The following SSBP2 variants were observed in gnomAD, a reference collection of about 807,000 sequenced individuals.
SSBP2 encodes the protein single stranded DNA binding protein 2.
In SSBP2, 17 loss-of-function variants were observed where a neutral mutation model predicts 61.8. The observed-to-expected ratio is 0.28, with a 90% confidence interval of 0.19 to 0.41. The LOEUF is 0.41. SSBP2 is among the 10% of genes least tolerant of loss of function. SSBP2 has a pLI of 1.00. For missense variants in SSBP2, 310 were observed against 458.7 expected (o/e 0.68, Z 2.96); for synonymous variants, 139 against 141.3 (o/e 0.98, Z 0.12).
chr5:81,674,458 C>T (rs532568724), intron 1 of SSBP2, among the ~76,000 whole-genome samples: 1 of 152,238 alleles, frequency 6.6e-6, no homozygotes, highest in Admixed American at 6.5e-5. Flanking sequence ...GTGGTCCTAC[C>T]AGTCAAAGCT....
chr5:81,708,247 T>C (rs892371287), intron 1 of SSBP2, among the ~76,000 whole-genome samples: 16 of 152,060 alleles, frequency 1.1e-4, no homozygotes, highest in African/African-American at 3.9e-4. Flanking sequence ...GAAAAGGAAA[T>C]AGGAATTGAT....
At chr5:81,680,282 GTATGTATA>G (rs1324449709) in intron 1 of SSBP2, among the ~76,000 whole-genome samples, 3 of 148,362 alleles carry the variant, frequency 2.0e-5, no homozygotes, top group African/African-American at 7.4e-5. Flanking sequence ...AAATATGCAT[GTATGTATA>G]TGTGTATATT....
chr5:81,600,083 T>A (rs767378156), intron 4 of SSBP2, among the ~76,000 whole-genome samples: 3 of 152,176 alleles, frequency 2.0e-5, no homozygotes, highest in Non-Finnish European at 2.9e-5. Flanking sequence ...AAAAAGCAAA[T>A]TTTTAAAAGA....
chr5:81,504,589 A>G (rs527795182), intron 5 of SSBP2, among the ~76,000 whole-genome samples: 98 of 152,236 alleles, frequency 6.4e-4, no homozygotes, highest in Non-Finnish European at 5.7e-4. Context: ...CTTTACTCAA[A>G]TACATCTTTT....
In SSBP2 at chr5:81,738,355, T is replaced by G. The variant is rs1029233140; in HGVS notation, c.62+12626A>C. On this transcript the variant is annotated intron_variant, in intron 1 of 16. Transcript: ENST00000320672. The stretch of plus-strand genomic sequence containing the variant: ...AAAGAGAGAAATAATAAACTAAACC[T>G]TGAGTTCAGATTTCAGCTCTAACAT... Among the ~76,000 whole-genome samples, 9 of 152,340 alleles carry G rather than the reference T, an allele frequency of 5.9e-5. 2 individuals are homozygous for G. The highest frequency in any genetic ancestry group is 6.5e-5 in the Admixed American group (1 of 15,298).
intron 1 of SSBP2, among the ~76,000 whole-genome samples, chr5:81,720,796 T>G (rs564615352): frequency 6.6e-6 from 1 of 152,220 alleles, no homozygotes; most frequent in Non-Finnish European, 1.5e-5. Flanking sequence ...GAGGAAAAGC[T>G]TGAATCTCTG....
At chr5:81,472,161 T>C (rs1765289585) in intron 8 of SSBP2, among the ~76,000 whole-genome samples, 1 of 152,182 alleles carries the variant, frequency 6.6e-6, no homozygotes, top group Admixed American at 6.5e-5. Flanking sequence ...CTTTATGACA[T>C]GTTAATCTCT....
chr5:81,639,974 T>C (rs1748623011), intron 2 of SSBP2, among the ~76,000 whole-genome samples: 1 of 152,184 alleles, frequency 6.6e-6, no homozygotes, highest in African/African-American at 2.4e-5. Context: ...TCAGAGTTCT[T>C]AAGTACATAA....
At chr5:81,613,740 C>A (rs574445569) in intron 4 of SSBP2, among the ~76,000 whole-genome samples, 1 of 152,156 alleles carries the variant, frequency 6.6e-6, no homozygotes, top group Non-Finnish European at 1.5e-5. Context: ...CAGGCCAAAT[C>A]AAGGCACGCA....
chr5:81,501,373 T>C (rs28718252), intron 5 of SSBP2, among the ~76,000 whole-genome samples: 19,994 of 145,572 alleles, frequency 0.14, 1,521 homozygotes, highest in African/African-American at 0.2. Context: ...CAAATGGATG[T>C]CAAAGGTATT....
chr5:81,423,336 G>C (rs1761730296), intron 16 of SSBP2, among the ~76,000 whole-genome samples: 1 of 152,176 alleles, frequency 6.6e-6, no homozygotes, highest in Non-Finnish European at 1.5e-5. Context: ...AGGGCAGCTA[G>C]ATAATCAATC....
At chr5:81,677,959 C>T (rs556985885) in intron 1 of SSBP2, among the ~76,000 whole-genome samples, 16 of 152,068 alleles carry the variant, frequency 1.1e-4, no homozygotes, top group Admixed American at 9.2e-4. Flanking sequence ...CTACTAAAGG[C>T]CTATTTACAG....
At chr5:81,444,004 T>C (rs1763208943) in intron 12 of SSBP2, among the ~76,000 whole-genome samples, 1 of 152,254 alleles carries the variant, frequency 6.6e-6, no homozygotes, top group Non-Finnish European at 1.5e-5. Context: ...TCATTAGACA[T>C]TAATAAGTTT....
chr5:81,625,006 A>T (rs1319554635), intron 3 of SSBP2, among the ~76,000 whole-genome samples: 8 of 152,154 alleles, frequency 5.3e-5, no homozygotes, highest in African/African-American at 1.9e-4. Context: ...TCACTTGCTC[A>T]AAATTGCTCA....
chr5:81,693,723 G>A (rs1753388729), intron 1 of SSBP2, among the ~76,000 whole-genome samples: 1 of 152,200 alleles, frequency 6.6e-6, no homozygotes, highest in South Asian at 2.1e-4. Context: ...CTCGTACATT[G>A]TTGGTGGGAA....
In SSBP2 at chr5:81,424,464, A is replaced by T. The variant is rs181141529; in HGVS notation, c.1057-3931T>A. 2.4e-4 allele frequency among the ~76,000 whole-genome samples: 37 copies of T among 152,176 alleles called. No individual in the cohort carries two copies. The East Asian group carries it at 6.6e-3, about 27-fold the overall frequency. Reference sequence around the variant, plus strand: ...AAATAAATAAATAAAAAGAAAGAAAAGAAAAAGGAGCAACCATCTAATAAA... The same window carrying T: ...AAATAAATAAATAAAAAGAAAGAAATGAAAAAGGAGCAACCATCTAATAAA... On this transcript the variant is annotated intron_variant, in intron 16 of 16. Coordinates refer to ENST00000320672, the MANE Select transcript of SSBP2 (RefSeq NM_012446.5).
chr5:81,734,862 T>C (rs543098277), intron 1 of SSBP2, among the ~76,000 whole-genome samples: 1 of 149,298 alleles, frequency 6.7e-6, no homozygotes, highest in East Asian at 2.0e-4. Context: ...TCCCAGCTAC[T>C]CAGGAGGCTG....
intron 4 of SSBP2, among the ~76,000 whole-genome samples, chr5:81,601,215 T>C (rs1263649722): frequency 6.6e-6 from 1 of 152,216 alleles, no homozygotes; most frequent in African/African-American, 2.4e-5. Context: ...CACATTCCTG[T>C]ATATAACATA....
intron 12 of SSBP2, among the ~76,000 whole-genome samples, chr5:81,443,541 A>G (rs998894469): frequency 2.0e-5 from 3 of 152,166 alleles, no homozygotes; most frequent in Non-Finnish European, 4.4e-5. Flanking sequence ...GTTTTCTTAA[A>G]TATAATGTAG....
Sources: gnomAD v4.1 joint callset for allele counts (sites outside exome capture counted in the v4.1 genomes callset) on GRCh38, gnomAD v4.1.1 for gene constraint, MANE v1.5 for transcripts, NCBI Gene and HGNC (gene_info 2026-07-23, HGNC 2026-07-21) for gene names.